Variants in TBC1D5 observed in about 807,000 individuals in gnomAD.
TBC1D5 encodes the protein TBC1 domain family member 5.
Under a neutral mutation model 100.3 loss-of-function variants are expected in TBC1D5, and 75 were observed. That is an observed-to-expected ratio of 0.75 (90% CI 0.62 to 0.91). The LOEUF is 0.91. TBC1D5 is among the 40% of genes least tolerant of loss of function. The probability of loss-of-function intolerance (pLI) is 0.00; values close to 1 mark genes in which losing one functional copy is unlikely to be tolerated. For missense variants in TBC1D5, 910 were observed against 942.4 expected (o/e 0.97, Z 0.45); for synonymous variants, 323 against 325.6 (o/e 0.99, Z 0.09).
At chr3:17,246,395 C>T (rs2149207412) in intron 16 of TBC1D5, among the ~76,000 whole-genome samples, 1 of 152,028 alleles carries the variant, frequency 6.6e-6, no homozygotes, top group South Asian at 2.1e-4. Context: ...AATCAAAATC[C>T]CAACAATTTT....
intron 13 of TBC1D5, among the ~76,000 whole-genome samples, chr3:17,312,288 A>G (rs978874128): frequency 6.6e-6 from 1 of 152,146 alleles, no homozygotes; most frequent in African/African-American, 2.4e-5. Context: ...TTTTACACTT[A>G]CTAGTCTTCT....
At chr3:17,677,226 T>C (rs1348819931) in intron 1 of TBC1D5, among the ~76,000 whole-genome samples, 1 of 151,956 alleles carries the variant, frequency 6.6e-6, no homozygotes, top group Non-Finnish European at 1.5e-5. Flanking sequence ...ACCTATAGAA[T>C]GGGAAAAAAT....
chr3:17,262,713 C>T (rs931252452), intron 15 of TBC1D5, among the ~76,000 whole-genome samples: 10 of 151,890 alleles, frequency 6.6e-5, no homozygotes, highest in Non-Finnish European at 1.5e-4. Flanking sequence ...AATCTCCTGA[C>T]CTCATGATCC....
chr3:17,475,355 A>C (rs2095426215), intron 3 of TBC1D5, among the ~76,000 whole-genome samples: 1 of 151,906 alleles, frequency 6.6e-6, no homozygotes, highest in African/African-American at 2.4e-5. Context: ...AAAACTCTTT[A>C]TTTCTCCTCC....
chr3:17,281,173 G>C (rs1190601710), intron 15 of TBC1D5, among the ~76,000 whole-genome samples: 1 of 152,140 alleles, frequency 6.6e-6, no homozygotes, highest in Non-Finnish European at 1.5e-5. Context: ...ACATCTTTAC[G>C]TGTTTCAACC....
At chr3:17,219,926 G>T (rs957194737) in intron 17 of TBC1D5, among the ~76,000 whole-genome samples, 7 of 152,202 alleles carry the variant, frequency 4.6e-5, no homozygotes, top group African/African-American at 1.7e-4. Context: ...AGGGGCCCCT[G>T]CCATGCTACT....
intron 1 of TBC1D5, among the ~76,000 whole-genome samples, chr3:17,707,755 C>A (rs557979097): frequency 6.6e-6 from 1 of 152,140 alleles, no homozygotes; most frequent in Non-Finnish European, 1.5e-5. Flanking sequence ...AAAATATATC[C>A]TTTTCTCCAG....
intron 1 of TBC1D5, among the ~76,000 whole-genome samples, chr3:17,682,709 C>T (rs1371233068): frequency 6.6e-6 from 1 of 151,482 alleles, no homozygotes; most frequent in Non-Finnish European, 1.5e-5. Context: ...CAAAACTCTC[C>T]TGGATTATAA....
At chr3:17,689,264 G>A (rs1188594018) in intron 1 of TBC1D5, among the ~76,000 whole-genome samples, 2 of 152,110 alleles carry the variant, frequency 1.3e-5, no homozygotes, top group Non-Finnish European at 2.9e-5. Context: ...CAAAGTCCGG[G>A]CACAATGGCT....
intron 13 of TBC1D5, among the ~76,000 whole-genome samples, chr3:17,363,476 T>C (rs1280354128): frequency 6.6e-6 from 1 of 151,954 alleles, no homozygotes; most frequent in Non-Finnish European, 1.5e-5. Context: ...TTTTATTTTT[T>C]AGAGACAGGG....
intron 2 of TBC1D5, among the ~76,000 whole-genome samples, chr3:17,570,642 G>C (rs867428294): frequency 5.3e-5 from 8 of 151,996 alleles, no homozygotes; most frequent in African/African-American, 1.7e-4. Context: ...CAAAGTTGCA[G>C]ATGTTATTCT....
chr3:17,622,248 G>C (rs892134353), intron 2 of TBC1D5, among the ~76,000 whole-genome samples: 1 of 152,096 alleles, frequency 6.6e-6, no homozygotes, highest in Non-Finnish European at 1.5e-5. Context: ...TGCTGCTGCT[G>C]ATCTACTCAC....
At chr3:17,547,777 T>A (rs1327460892) in intron 2 of TBC1D5, among the ~76,000 whole-genome samples, 2 of 152,344 alleles carry the variant, frequency 1.3e-5, no homozygotes, top group East Asian at 1.9e-4. Context: ...TGAGGATAGT[T>A]GATTTCATGA....
intron 16 of TBC1D5, among the ~76,000 whole-genome samples, chr3:17,247,530 T>C (rs765034808): frequency 1.3e-5 from 2 of 152,226 alleles, no homozygotes; most frequent in Non-Finnish European, 2.9e-5. Flanking sequence ...GAGGGTCTTG[T>C]CTCAATGTTG....
rs186118908 is a variant in TBC1D5 at position 17,675,716 on chromosome 3, G to A, written c.-100-51803C>T. ...AAAGAGACAACAGGTAATTATGATG[G>A]TGAAATTTCATCAAGAGAGTGACAA... On this transcript the variant is annotated intron_variant, in intron 1 of 21. Transcript: ENST00000253692. Among the ~76,000 whole-genome samples the A allele has an allele frequency of 5.3e-5, 8 of 152,210 alleles. No homozygotes were observed. The East Asian group carries it at 1.5e-3, about 29-fold the overall frequency.
In TBC1D5 at chr3:17,224,671, T is replaced by C. The variant is rs191482531; in HGVS notation, c.1589-10301A>G. 1.5e-3 allele frequency among the ~76,000 whole-genome samples: 236 copies of C among 152,322 alleles called. 4 individuals carry two copies. Among genetic ancestry groups the C allele is most frequent in the African/African-American group, 5.4e-3 (223 of 41,566 alleles). On this transcript the variant is annotated intron_variant, in intron 17 of 21. Transcript: ENST00000253692. ...TGTAACAAAATAGGGTAATGATATG[T>C]CTGGGAGAAATCTTTAGAATACCTG...
At chr3:17,193,262 C>A (rs2070206272) in intron 18 of TBC1D5, among the ~76,000 whole-genome samples, 1 of 152,180 alleles carries the variant, frequency 6.6e-6, no homozygotes, top group African/African-American at 2.4e-5. Flanking sequence ...ACAGGGGCTG[C>A]AGGGCAAGAC....
intron 1 of TBC1D5, among the ~76,000 whole-genome samples, chr3:17,684,291 C>G (rs1192101817): frequency 6.6e-6 from 1 of 151,896 alleles, no homozygotes; most frequent in African/African-American, 2.4e-5. Flanking sequence ...AAGGAACATT[C>G]CAATTAAATA....
At chr3:17,649,937 T>C (rs1194005679) in intron 1 of TBC1D5, among the ~76,000 whole-genome samples, 4 of 152,094 alleles carry the variant, frequency 2.6e-5, no homozygotes, top group African/African-American at 7.2e-5. Context: ...ATGTGGCCCA[T>C]ATACACCATG....
Sources: allele counts gnomAD v4.1 joint callset (sites outside exome capture counted in the v4.1 genomes callset), GRCh38; gene constraint gnomAD v4.1.1; transcripts MANE v1.5; gene names NCBI Gene and HGNC (gene_info 2026-07-23, HGNC 2026-07-21).